Variants in C17orf58 observed in about 807,000 individuals in gnomAD.
The protein encoded by C17orf58 is chromosome 17 open reading frame 58.
Under a neutral mutation model 7.4 loss-of-function variants are expected in C17orf58, and 5 were observed. The ratio of observed to expected loss-of-function variants is 0.67; its 90% CI spans 0.35 to 1.42. The LOEUF (loss-of-function observed/expected upper bound fraction) is 1.42, where lower values mean the gene tolerates loss of function less well. Ranked by LOEUF, C17orf58 falls within the 40% of genes most tolerant of loss-of-function variation. C17orf58 has a pLI of 0.04. For missense variants in C17orf58, 162 were observed against 174.2 expected (o/e 0.93, Z 0.40); for synonymous variants, 60 against 70.6 (o/e 0.85, Z 0.75).
chr17:67,992,736 T>A (rs1227585580), intron 3 of C17orf58, among the ~76,000 whole-genome samples: 6 of 152,086 alleles, frequency 3.9e-5, no homozygotes, highest in Non-Finnish European at 8.8e-5. Flanking sequence ...AAGCAGCTTT[T>A]CTAAACTCGG....
At chr17:67,992,432 G>C (rs182580332) in intron 3 of C17orf58, among the ~76,000 whole-genome samples, 1 of 152,014 alleles carries the variant, frequency 6.6e-6, no homozygotes, top group East Asian at 1.9e-4. Flanking sequence ...GCAGGGCGTG[G>C]TGGCGCATGC....
Position 67,993,520 on chromosome 17 carries a change from GGCTGAGGCCGAA to G in C17orf58, c.529_540del (p.Phe177_Ser180del), listed in dbSNP as rs1192518376. ...CCGGGCTCCGCGTCCCTCTGCGGCG[GGCTGAGGCCGAA>G]GCTGAGGCTGAAGCGCGGCGGCGGC... On this transcript the variant is annotated inframe_deletion, in exon 2 of 4. Transcript: ENST00000580729. This position sits in a 1 kb window ranked among gnomAD's most constrained non-coding sequence, Gnocchi z 5.1. 21 of 382,460 alleles carry G rather than the reference GGCTGAGGCCGAA, an allele frequency of 5.5e-5. No individual in the cohort carries two copies. Among genetic ancestry groups the G allele is most frequent in the African/African-American group, 2.5e-4 (12 of 47,626 alleles). The allele number at this position is 382,460 out of a possible 1,614,324, so 23.7% of individuals were successfully genotyped here. A position where few individuals can be genotyped will look rare whatever the true frequency, so the allele number is the denominator to read the frequency against.
rs1244199425 is a variant in C17orf58 at position 67,994,516 on chromosome 17, G to GTGTGTGTGTATA, written c.77-533_77-532insTATACACACACA. ...TGCGTGTGTGTGTGTGTGTGTGTGTGTATATATATATATATATATAAAACA... is the reference window on the plus strand; with the variant it reads ...TGCGTGTGTGTGTGTGTGTGTGTGTGTGTGTGTGTATATATATATATATATATATATAAAACA... On this transcript the variant is annotated intron_variant, in intron 1 of 3. Coordinates refer to ENST00000580729, the MANE Select transcript of C17orf58 (RefSeq NM_001382359.1). 3.4e-3 allele frequency among the ~76,000 whole-genome samples: 301 copies of GTGTGTGTGTATA among 89,528 alleles called. 2 individuals are homozygous for GTGTGTGTGTATA. The highest frequency in any genetic ancestry group is 9.9e-3 in the African/African-American group (264 of 26,718). The allele number at this position is 89,528 out of a possible 152,430, so 58.7% of individuals were successfully genotyped here. A position where few individuals can be genotyped will look rare whatever the true frequency, so the allele number is the denominator to read the frequency against.
chr17:67,993,531 A>T lies in C17orf58; in HGVS notation c.530T>A (p.Phe177Tyr), dbSNP rs1220705871. The T allele has an allele frequency of 2.7e-6, 1 of 372,540 alleles. No individual in the cohort carries two copies. Among genetic ancestry groups the T allele is most frequent in the Non-Finnish European group, 4.8e-6 (1 of 210,330 alleles). The allele number at this position is 372,540 out of a possible 1,614,324, so 23.1% of individuals were successfully genotyped here. Residue 177 changes from phenylalanine to tyrosine, a missense_variant, in exon 2 of 4, where the codon TTC (phenylalanine) becomes TAC (tyrosine). Physicochemically the swap from Phe to Tyr is conservative, Grantham distance 22 (BLOSUM62 3). This residue lies in a region of C17orf58 where 93 missense variants were observed against 90.4 expected (regional missense o/e 1.03). Transcript: ENST00000580729. The surrounding 1 kb of genome is among the most constrained non-coding windows in gnomAD (Gnocchi z 5.1). ...GTCCCTCTGCGGCGGGCTGAGGCCG[A>T]AGCTGAGGCTGAAGCGCGGCGGCGG... ...PAPPPRFSLS[F>Y]GLSPPQRDAE...
Position 67,993,894 on chromosome 17 carries a change from G to A in C17orf58, c.167C>T (p.Ala56Val), listed in dbSNP as rs1485656846. The change falls in exon 2 of 4, where the codon GCC (alanine) becomes GTC (valine). Residue 56 changes from alanine to valine, a missense_variant. Physicochemically the swap from Ala to Val is moderately conservative, Grantham distance 64 (BLOSUM62 0). Around this residue, in one of 3 missense-constraint regions of C17orf58, gnomAD observed 93 missense variants for 90.4 expected, o/e 1.03. Coordinates refer to ENST00000580729, the MANE Select transcript of C17orf58 (RefSeq NM_001382359.1). This position sits in a 1 kb window ranked among gnomAD's most constrained non-coding sequence, Gnocchi z 5.1. ...PGPRAQPLLE[A>V]PQRPRAAEVA... is the part of the protein sequence containing the mutation. The stretch of plus-strand genomic sequence containing the variant: ...CTCGGCCGCGCGCGGCCGCTGCGGG[G>A]CCTCAAGGAGTGGCTGCGCGCGGGG... The A allele has an allele frequency of 5.2e-6, 2 of 385,252 alleles. No individual in the cohort carries two copies. The highest frequency in any genetic ancestry group is 9.2e-6 in the Non-Finnish European group (2 of 218,226). The allele number at this position is 385,252 out of a possible 1,614,324, so 23.9% of individuals were successfully genotyped here.
rs1367986593 is a variant in C17orf58, at chr17:67,996,323, G to C, written c.-125C>G. 6 of 394,438 alleles carry C rather than the reference G, an allele frequency of 1.5e-5. No homozygotes were observed. Among genetic ancestry groups the C allele is most frequent in the Non-Finnish European group, 2.7e-5 (6 of 224,068 alleles). The allele number at this position is 394,438 out of a possible 1,614,324, so 24.4% of individuals were successfully genotyped here. On this transcript the variant is annotated 5_prime_UTR_variant, in exon 1 of 4. Coordinates refer to ENST00000580729, the MANE Select transcript of C17orf58 (RefSeq NM_001382359.1). ...AATGAGGGGCAGCCTTTGGGGAAAC[G>C]GGAATCACTCGCTGAGCAGACCATT...
At position 67,993,263 on chromosome 17, in the gene C17orf58, A is replaced by G. The variant is rs1340637410; in HGVS notation, c.638-28T>C. 1.4e-6 allele frequency: 2 copies of G among 1,384,944 alleles called. No homozygotes were observed. The highest frequency in any genetic ancestry group is 2.9e-5 in the African/African-American group (2 of 69,536). The allele number at this position is 1,384,944 out of a possible 1,614,324, so 85.8% of individuals were successfully genotyped here. On this transcript the variant is annotated intron_variant, in intron 2 of 3. Coordinates refer to ENST00000580729, the MANE Select transcript of C17orf58 (RefSeq NM_001382359.1). The surrounding 1 kb of genome is among the most constrained non-coding windows in gnomAD (Gnocchi z 5.1). ...GCTTCCGAAAAACAGTTTGGAGAAG[A>G]GCATTACCCCGAGTTCCTCTCCCAG...
rs1275155715 is a variant in C17orf58, at chr17:67,993,483, C to A, written c.578G>T (p.Cys193Phe). 9 of 441,478 alleles carry A rather than the reference C, an allele frequency of 2.0e-5. No homozygotes were observed. Among genetic ancestry groups the A allele is most frequent in the African/African-American group, 1.7e-4 (8 of 47,976 alleles). 27.3% of individuals were successfully genotyped at this position (441,478 alleles called of 1,614,324 possible). A position where few individuals can be genotyped will look rare whatever the true frequency, so the allele number is the denominator to read the frequency against. The part of the protein sequence containing the change: ...QRDAEPGAEP[C>F]ARACRSDLDE... Reference sequence around the variant, plus strand: ...CAGATCGGACCGGCAGGCGCGCGCGCAGGGCTCAGCGCCGGGCTCCGCGTC... The same window carrying A: ...CAGATCGGACCGGCAGGCGCGCGCGAAGGGCTCAGCGCCGGGCTCCGCGTC... The change falls in exon 2 of 4, where the codon TGC becomes TTC. Residue 193 changes from cysteine to phenylalanine, a missense_variant. This residue lies in a region of C17orf58 where 93 missense variants were observed against 90.4 expected (regional missense o/e 1.03). Coordinates refer to ENST00000580729, the MANE Select transcript of C17orf58 (RefSeq NM_001382359.1). This position sits in a 1 kb window ranked among gnomAD's most constrained non-coding sequence, Gnocchi z 5.1.
intron 1 of C17orf58, among the ~76,000 whole-genome samples, chr17:67,994,516 G>GTGTGTGTGTATATATATATATA (rs1244199425): frequency 1.1e-5 from 1 of 89,532 alleles, no homozygotes; most frequent in African/African-American, 3.7e-5. Context: ...GTGTGTGTGT[G>GTGTGTGTGTATATATATATATA]TATATATATA....
At chr17:67,994,014 G>C in intron 1 of C17orf58, 30 bp from the exon 2 acceptor site, 2 of 393,384 alleles carry the variant, frequency 5.1e-6, no homozygotes, top group Non-Finnish European at 9.0e-6. Context: ...GAGGCGGGAA[G>C]GCGGTGGGGG....
intron 1 of C17orf58, among the ~76,000 whole-genome samples, chr17:67,994,493 C>CGTGTGTGT (rs71142121): frequency 1.9e-4 from 18 of 94,372 alleles, no homozygotes; most frequent in African/African-American, 6.2e-4. Context: ...TGTGCGTGTG[C>CGTGTGTGT]GTGTGTGTGT....
At chr17:67,992,515 C>T (rs2070843386) in intron 3 of C17orf58, among the ~76,000 whole-genome samples, 1 of 135,048 alleles carries the variant, frequency 7.4e-6, no homozygotes, top group Non-Finnish European at 1.5e-5. Context: ...GTGCAGTGAG[C>T]CGAGATCGAA....
In C17orf58 at chr17:67,993,017, C is replaced by T. The variant is rs782673638; in HGVS notation, c.829+27G>A. The T allele has an allele frequency of 3.7e-6, 6 of 1,614,188 alleles. No homozygotes were observed. Among genetic ancestry groups the T allele is most frequent in the Non-Finnish European group, 5.1e-6 (6 of 1,180,022 alleles). The stretch of plus-strand genomic sequence containing the variant: ...CAAACGGTGGTATAAAGTACATATG[C>T]AGCGTCATTCAGGTCAGTTTCAATA... On this transcript the variant is annotated intron_variant, in intron 3 of 3. Transcript: ENST00000580729. This position sits in a 1 kb window ranked among gnomAD's most constrained non-coding sequence, Gnocchi z 5.1.
intron 1 of C17orf58, 48 bp downstream of exon 1, chr17:67,996,075 C>CA (rs1241564412): frequency 5.0e-6 from 2 of 398,984 alleles, no homozygotes; most frequent in East Asian, 3.6e-5. Context: ...AGCTCCCCCC[C>CA]ACAGATCCCC....
rs1466377815 is a variant in C17orf58, at chr17:67,993,827, C to T, written c.234G>A (p.Arg78=). ...GGTTGTCGGCCGGCGGTGGGGGCTT[C>T]CGGCGGCGCGGGTCAGGCCAGGCGC... ...AARAWPDPRR[R]KPPPPADNQA... Residue 78 remains arginine (R), a synonymous_variant, in exon 2 of 4, where the codon CGG becomes CGA. Coordinates refer to ENST00000580729, the MANE Select transcript of C17orf58 (RefSeq NM_001382359.1). The surrounding 1 kb of genome is among the most constrained non-coding windows in gnomAD (Gnocchi z 5.1). 7 of 299,222 alleles carry T rather than the reference C, an allele frequency of 2.3e-5. No homozygotes were observed. Among genetic ancestry groups the T allele is most frequent in the Non-Finnish European group, 2.4e-5 (4 of 167,214 alleles). The allele number at this position is 299,222 out of a possible 1,614,324, so 18.5% of individuals were successfully genotyped here.
rs1737947987 is a variant in C17orf58, at chr17:67,993,387, C to A, written c.637+37G>T. On this transcript the variant is annotated intron_variant, in intron 2 of 3. Coordinates refer to ENST00000580729, the MANE Select transcript of C17orf58 (RefSeq NM_001382359.1). This position sits in a 1 kb window ranked among gnomAD's most constrained non-coding sequence, Gnocchi z 5.1. ...ATTCTCCGGGGCTCGGAAAGGCTCG[C>A]GGGGCGGCGGGGCGGCGGCGCGGCG... 3 of 579,402 alleles carry A rather than the reference C, an allele frequency of 5.2e-6. No homozygotes were observed. The highest frequency in any genetic ancestry group is 9.1e-6 in the Non-Finnish European group (3 of 329,416). The allele number at this position is 579,402 out of a possible 1,614,324, so 35.9% of individuals were successfully genotyped here.
chr17:67,995,784 GC>G (rs2070886828), intron 1 of C17orf58, among the ~76,000 whole-genome samples: 1 of 152,220 alleles, frequency 6.6e-6, no homozygotes, highest in Non-Finnish European at 1.5e-5. Context: ...TGCGAGCCCG[GC>G]CCGGGCACGG....
At chr17:67,994,069 C>T in intron 1 of C17orf58, 85 bp from the exon 2 acceptor site, 1 of 363,206 alleles carries the variant, frequency 2.8e-6, no homozygotes. Context: ...CCGAGGAAGC[C>T]GAGAAGGAAG....
Position 67,993,107 on chromosome 17 carries a change from G to A in C17orf58, c.766C>T (p.Arg256Ter). 6.2e-7 allele frequency: 1 copy of A among 1,614,126 alleles called. No individual in the cohort carries two copies. The highest frequency in any genetic ancestry group is 1.1e-5 in the South Asian group (1 of 91,086). Residue 256 changes from arginine (R) to a stop codon, truncating the protein, a stop_gained, in exon 3 of 4, where the codon CGA becomes TGA. Transcript: ENST00000580729. LOFTEE classifies it high-confidence loss of function. The surrounding 1 kb of genome is among the most constrained non-coding windows in gnomAD (Gnocchi z 5.1). The part of the protein sequence containing the change: ...LYLTPDGFFF[R>*]VHMLALDSSS... The stretch of plus-strand genomic sequence containing the variant: ...GAGTCCAGGGCTAACATGTGGACTC[G>A]GAAGAAGAAGCCGTCGGGGGTGAGG...
Sources: allele counts gnomAD v4.1 joint callset (sites outside exome capture counted in the v4.1 genomes callset), GRCh38; gene constraint gnomAD v4.1.1; regional missense constraint gnomAD v4.1.1; non-coding constraint Gnocchi (gnomAD v3.1); transcripts MANE v1.5; gene names NCBI Gene and HGNC (gene_info 2026-07-23, HGNC 2026-07-21).